Variants in ALDH5A1 observed in about 807,000 individuals in gnomAD.
The protein encoded by ALDH5A1 is aldehyde dehydrogenase 5 family member A1.
In ALDH5A1, 33 loss-of-function variants were observed where a neutral mutation model predicts 54.7. The observed-to-expected ratio is 0.60, with a 90% CI of 0.46 to 0.81. The LOEUF (loss-of-function observed/expected upper bound fraction) is 0.81. Among genes scored for constraint, ALDH5A1 ranks in the 30% least tolerant of loss-of-function variants. ALDH5A1 has a pLI of 0.00. For missense variants in ALDH5A1, 657 were observed against 711.0 expected (o/e 0.92, Z 0.86); for synonymous variants, 294 against 292.7 (o/e 1.00, Z -0.05).
rs1426618175 is a variant in ALDH5A1, at chr6:24,535,043, T to TAAAC, written c.*1333_*1336dup. On this transcript the variant is annotated 3_prime_UTR_variant, in exon 10 of 10. Coordinates refer to ENST00000357578, the MANE Select transcript of ALDH5A1 (RefSeq NM_001080.3). ...CTTTGAAAGAAAGACTCCGTAATCT[T>TAAAC]AAACAGATGCAAATCCAATTAGGCG... is the stretch of plus-strand genomic sequence containing the variant. 4 of 152,212 alleles carry TAAAC rather than the reference T, an allele frequency of 2.6e-5. No individual in the cohort carries two copies. Among genetic ancestry groups the TAAAC allele is most frequent in the African/African-American group, 9.7e-5 (4 of 41,450 alleles). 9.4% of individuals were successfully genotyped at this position (152,212 alleles called of 1,614,324 possible).
chr6:24,504,766 A>G (rs1759305046), intron 3 of ALDH5A1, 103 bp from the exon 4 acceptor site: 1 of 1,153,970 alleles, frequency 8.7e-7, no homozygotes, highest in South Asian at 1.2e-5. Context: ...TTTGTCAATC[A>G]GTTGTGCAAT....
chr6:24,511,036 G>C (rs1759448194), intron 4 of ALDH5A1, among the ~76,000 whole-genome samples: 1 of 152,140 alleles, frequency 6.6e-6, no homozygotes, highest in South Asian at 2.1e-4. Context: ...AATTCTCTCA[G>C]CATGTGTTTG....
chr6:24,500,918 A>G lies in ALDH5A1; in HGVS notation c.355-1605A>G, dbSNP rs554863007. 6.6e-5 allele frequency among the ~76,000 whole-genome samples: 10 copies of G among 152,268 alleles called. No homozygotes were observed. The East Asian group carries it at 1.9e-3, about 29-fold the overall frequency. On this transcript the variant is annotated intron_variant, in intron 1 of 9. Coordinates refer to ENST00000357578, the MANE Select transcript of ALDH5A1 (RefSeq NM_001080.3). The stretch of plus-strand genomic sequence containing the variant: ...AAAATTTTTTTTTAATTAGCTGAGC[A>G]TGATCATCCTGTAGATCCTGTTAGC...
At chr6:24,531,613 A>C (rs558509262) in intron 8 of ALDH5A1, among the ~76,000 whole-genome samples, 2 of 152,334 alleles carry the variant, frequency 1.3e-5, no homozygotes, top group South Asian at 4.1e-4. Flanking sequence ...TAAAGCTAGA[A>C]GAGATGGCCT....
chr6:24,511,262 C>T (rs1759453700), intron 4 of ALDH5A1, among the ~76,000 whole-genome samples: 1 of 152,168 alleles, frequency 6.6e-6, no homozygotes, highest in South Asian at 2.1e-4. Context: ...CTCTTTCCTT[C>T]GTCTGAACTT....
intron 4 of ALDH5A1, among the ~76,000 whole-genome samples, chr6:24,510,696 T>G (rs553290042): frequency 4.2e-4 from 64 of 152,354 alleles, no homozygotes; most frequent in African/African-American, 1.5e-3. Flanking sequence ...CTGTGAGTCC[T>G]TATGTATTAG....
chr6:24,498,702 G>A (rs960806723), intron 1 of ALDH5A1, among the ~76,000 whole-genome samples: 11 of 152,200 alleles, frequency 7.2e-5, no homozygotes, highest in Non-Finnish European at 1.3e-4. Context: ...GGTGGCTAAC[G>A]CCTGTAATCC....
intron 8 of ALDH5A1, among the ~76,000 whole-genome samples, chr6:24,528,609 C>CGTT (rs1759867842): frequency 6.6e-6 from 1 of 151,886 alleles, no homozygotes; most frequent in South Asian, 2.1e-4. Flanking sequence ...GGTAGTCCTG[C>CGTT]GTTGGCCTTC....
At chr6:24,501,489 C>T (rs976875420) in intron 1 of ALDH5A1, among the ~76,000 whole-genome samples, 7 of 152,102 alleles carry the variant, frequency 4.6e-5, no homozygotes, top group African/African-American at 7.2e-5. Context: ...GAGCCAGTCT[C>T]GTGGATGGAA....
chr6:24,503,239 G>T (rs190479901), intron 2 of ALDH5A1, 24 bp from the exon 3 acceptor site: 66 of 1,611,438 alleles, frequency 4.1e-5, no homozygotes, highest in Non-Finnish European at 5.2e-5. Context: ...GGTAATACGT[G>T]GGTTCTTTTC....
At chr6:24,498,998 G>C (rs1249091006) in intron 1 of ALDH5A1, among the ~76,000 whole-genome samples, 2 of 151,828 alleles carry the variant, frequency 1.3e-5, no homozygotes, top group African/African-American at 4.8e-5. Context: ...TACTCAGGAG[G>C]CTGAGCCAAG....
At chr6:24,508,392 T>TAAAAAAAAAAAAAAAAAAAAAAAAAAAAA (rs1561871767) in intron 4 of ALDH5A1, among the ~76,000 whole-genome samples, 1 of 13,866 alleles carries the variant, frequency 7.2e-5, no homozygotes, top group African/African-American at 1.8e-4. Flanking sequence ...AAAAAAAGAT[T>TAAAAAAAAAAAAAAAAAAAAAAAAAAAAA]AATAGTCTCT....
chr6:24,528,701 T>C (rs147757706), intron 8 of ALDH5A1, among the ~76,000 whole-genome samples: 223 of 150,372 alleles, frequency 1.5e-3, no homozygotes, highest in African/African-American at 5.2e-3. Context: ...TCTGCTGAAC[T>C]CTTTTTTTTT....
intron 1 of ALDH5A1, among the ~76,000 whole-genome samples, chr6:24,500,588 A>G (rs1350745963): frequency 1.3e-5 from 2 of 151,884 alleles, no homozygotes; most frequent in African/African-American, 4.8e-5. Flanking sequence ...CTGAGGTTGC[A>G]GTGAGCTATG....
chr6:24,522,490 T>TGTGTGTGTGTGTGTGTGTGTGTGTGG, intron 6 of ALDH5A1: 1 of 360,630 alleles, frequency 2.8e-6, no homozygotes, highest in Non-Finnish European at 5.3e-6. Flanking sequence ...TGTGTGTGTG[T>TGTGTGTGTGTGTGTGTGTGTGTGTGG]GTGTGTGTGT....
rs569394436 is a variant in ALDH5A1, at chr6:24,536,750, T to C, written c.*3038T>C. 5 of 152,508 alleles carry C rather than the reference T, an allele frequency of 3.3e-5. No individual in the cohort carries two copies. The highest frequency in any genetic ancestry group is 7.3e-5 in the Non-Finnish European group (5 of 68,042). 9.4% of individuals were successfully genotyped at this position (152,508 alleles called of 1,614,324 possible). On this transcript the variant is annotated 3_prime_UTR_variant, in exon 10 of 10. Coordinates refer to ENST00000357578, the MANE Select transcript of ALDH5A1 (RefSeq NM_001080.3). ...CCTCCAGCTATGCAGGGATTCTCAT[T>C]AAAGAGCTGATCTGCATCTGTTTAT...
chr6:24,517,338 A>C (rs1759594901), intron 5 of ALDH5A1, among the ~76,000 whole-genome samples: 1 of 152,126 alleles, frequency 6.6e-6, no homozygotes, highest in African/African-American at 2.4e-5. Flanking sequence ...TCCCAACCAT[A>C]ATCACTTTTG....
intron 5 of ALDH5A1, among the ~76,000 whole-genome samples, chr6:24,519,264 C>T (rs911993392): frequency 6.6e-6 from 1 of 152,020 alleles, no homozygotes; most frequent in Admixed American, 6.6e-5. Context: ...ACTATGCAAG[C>T]ATCTAAAGGA....
intron 8 of ALDH5A1, among the ~76,000 whole-genome samples, chr6:24,530,148 C>G (rs1261321611): frequency 6.6e-6 from 1 of 152,136 alleles, no homozygotes; most frequent in Non-Finnish European, 1.5e-5. Flanking sequence ...ATTCCTGATT[C>G]ATTCCTGATG....
Sources: allele counts gnomAD v4.1 joint callset (sites outside exome capture counted in the v4.1 genomes callset), GRCh38; gene constraint gnomAD v4.1.1; transcripts MANE v1.5; gene names NCBI Gene and HGNC (gene_info 2026-07-23, HGNC 2026-07-21).